Variants in CDH4 observed in about 807,000 individuals in gnomAD.
The protein encoded by CDH4 is cadherin-4.
CDH4 carries 33 observed loss-of-function variants against 86.0 expected under a neutral mutation model. The observed-to-expected ratio is 0.38, with a 90% CI of 0.29 to 0.51. The LOEUF (loss-of-function observed/expected upper bound fraction) is 0.51. Ranked by LOEUF, CDH4 falls within the 20% of genes least tolerant of loss-of-function variation. The probability of loss-of-function intolerance (pLI) is 0.86; values close to 1 mark genes in which losing one functional copy is unlikely to be tolerated. For missense variants in CDH4, 1,114 were observed against 1,307.4 expected, an observed-to-expected ratio of 0.85 and a Z score of 2.28; for synonymous variants, 555 against 549.4, an observed-to-expected ratio of 1.01 and a Z score of -0.14.
chr20:61,881,557 C>T (rs543644065), intron 7 of CDH4, among the ~76,000 whole-genome samples: 4 of 152,250 alleles, frequency 2.6e-5, no homozygotes, highest in Non-Finnish European at 5.9e-5. Context: ...TAGTCGACCG[C>T]TGTTCATCTG....
intron 3 of CDH4, among the ~76,000 whole-genome samples, chr20:61,744,422 GAA>G (rs2088384750): frequency 7.9e-6 from 1 of 126,068 alleles, no homozygotes; most frequent in Non-Finnish European, 1.7e-5. Context: ...GGGAGAGAGA[GAA>G]GGAAAGGGAG....
chr20:61,380,161 C>T (rs572316025), intron 2 of CDH4, among the ~76,000 whole-genome samples: 5 of 152,176 alleles, frequency 3.3e-5, no homozygotes, highest in African/African-American at 1.2e-4. Context: ...GGAGACTGCT[C>T]GATGCTTCAA....
At chr20:61,458,713 TGAA>T (rs1432775047) in intron 2 of CDH4, among the ~76,000 whole-genome samples, 1 of 151,848 alleles carries the variant, frequency 6.6e-6, no homozygotes, top group Non-Finnish European at 1.5e-5. Flanking sequence ...GTGGGGGTGA[TGAA>T]GACGGTGATG....
intron 3 of CDH4, among the ~76,000 whole-genome samples, chr20:61,770,558 C>T (rs2088762067): frequency 2.0e-5 from 3 of 152,216 alleles, no homozygotes; most frequent in African/African-American, 4.8e-5. Flanking sequence ...CGCTGTCAGC[C>T]GCAGGAGTCA....
At position 61,676,003 on chromosome 20, in the gene CDH4, C is replaced by A. The variant is rs879447822; in HGVS notation, c.170-67560C>A. 6.6e-6 allele frequency among the ~76,000 whole-genome samples: 1 copy of A among 152,200 alleles called. No individual in the cohort carries two copies. Among genetic ancestry groups the A allele is most frequent in the Non-Finnish European group, 1.5e-5 (1 of 68,032 alleles). On this transcript the variant is annotated intron_variant, in intron 2 of 15. Coordinates refer to ENST00000614565, the MANE Select transcript of CDH4 (RefSeq NM_001794.5). This position sits in a 1 kb window ranked among gnomAD's most constrained non-coding sequence, Gnocchi z 4.5. Reference sequence around the variant, plus strand: ...CTCCTGCCCAGAGCACAGGCTCAGGCTCCTGGCACTGCCTGCTTAGGACCC... The same window carrying A: ...CTCCTGCCCAGAGCACAGGCTCAGGATCCTGGCACTGCCTGCTTAGGACCC...
At chr20:61,909,908 G>A (rs1157335319) in intron 8 of CDH4, among the ~76,000 whole-genome samples, 1 of 152,228 alleles carries the variant, frequency 6.6e-6, no homozygotes, top group Non-Finnish European at 1.5e-5. Context: ...TGGGGACTGG[G>A]AATGAAAAGA....
At chr20:61,470,502 T>C (rs957410128) in intron 2 of CDH4, among the ~76,000 whole-genome samples, 1 of 152,182 alleles carries the variant, frequency 6.6e-6, no homozygotes, top group African/African-American at 2.4e-5. Context: ...ATTCAACTTC[T>C]TCCTTTTCAA....
intron 2 of CDH4, among the ~76,000 whole-genome samples, chr20:61,514,052 G>A (rs985342169): frequency 8.5e-5 from 13 of 152,250 alleles, no homozygotes; most frequent in African/African-American, 2.4e-4. Flanking sequence ...GCAGGGGCAC[G>A]TCTCAGGAAG....
chr20:61,289,598 A>T (rs527302658), intron 2 of CDH4, among the ~76,000 whole-genome samples: 2 of 152,342 alleles, frequency 1.3e-5, no homozygotes, highest in African/African-American at 4.8e-5. Flanking sequence ...CCTTTGGATT[A>T]AAGAGCCCTT....
rs1319072760 is a variant in CDH4, at chr20:61,509,563, G to A, written c.170-234000G>A. On this transcript the variant is annotated intron_variant, in intron 2 of 15. Transcript: ENST00000614565. ...GAGGGTTCTTCCCAGCCACCTAGCA[G>A]CATGGCAAGAGGAGGGTACCAGGGT... Among the ~76,000 whole-genome samples, 3 of 150,932 alleles carry A rather than the reference G, an allele frequency of 2.0e-5. No individual in the cohort carries two copies. In the East Asian group the frequency reaches 5.8e-4, roughly 29 times the overall value.
chr20:61,902,233 G>A lies in CDH4; in HGVS notation c.1188+7186G>A, dbSNP rs1007869016. Among the ~76,000 whole-genome samples the A allele has an allele frequency of 2.2e-4, 33 of 152,344 alleles. No individual in the cohort carries two copies. The highest frequency in any genetic ancestry group is 5.8e-4 in the East Asian group (3 of 5,182). On this transcript the variant is annotated intron_variant, in intron 8 of 15. Coordinates refer to ENST00000614565, the MANE Select transcript of CDH4 (RefSeq NM_001794.5). This position sits in a 1 kb window ranked among gnomAD's most constrained non-coding sequence, Gnocchi z 4.6. ...TCAGAGCAGGGCAGGCAGCACAAAC[G>A]GATGAACGATGCAGAGGCAGAAAAG...
intron 2 of CDH4, among the ~76,000 whole-genome samples, chr20:61,415,555 C>T (rs532005065): frequency 6.6e-6 from 1 of 152,078 alleles, no homozygotes. Flanking sequence ...CGCCCCTGGC[C>T]CCCACCATCC....
chr20:61,624,111 C>T (rs1271541149), intron 2 of CDH4, among the ~76,000 whole-genome samples: 15 of 152,268 alleles, frequency 9.9e-5, no homozygotes, highest in Non-Finnish European at 1.5e-4. Flanking sequence ...GAAGTGAGCA[C>T]GGTTCACAGC....
At chr20:61,513,013 C>T (rs997967231) in intron 2 of CDH4, among the ~76,000 whole-genome samples, 4 of 152,252 alleles carry the variant, frequency 2.6e-5, no homozygotes, top group African/African-American at 9.6e-5. Context: ...TTTCAAAGCA[C>T]ATGTGCCCTC....
chr20:61,446,356 A>G (rs1180561115), intron 2 of CDH4, among the ~76,000 whole-genome samples: 2 of 152,352 alleles, frequency 1.3e-5, no homozygotes, highest in South Asian at 2.1e-4. Context: ...TTACAAAATT[A>G]CTTCTCCAAT....
At chr20:61,445,345 G>C (rs1483693226) in intron 2 of CDH4, among the ~76,000 whole-genome samples, 4 of 152,204 alleles carry the variant, frequency 2.6e-5, no homozygotes, top group Non-Finnish European at 1.5e-5. Flanking sequence ...CGAAGGAAAG[G>C]TCCACTTGGC....
rs183216036 is a variant in CDH4 at position 61,646,016 on chromosome 20, T to C, written c.170-97547T>C. Among the ~76,000 whole-genome samples the C allele has an allele frequency of 1.2e-4, 18 of 152,300 alleles. No individual in the cohort carries two copies. The East Asian group carries it at 3.5e-3, about 29-fold the overall frequency. ...TGAGACTCACAGGCAATATTGTGTG[T>C]ACAGGGCCTGGCCCAGCCCCAGCAT... On this transcript the variant is annotated intron_variant, in intron 2 of 15. Coordinates refer to ENST00000614565, the MANE Select transcript of CDH4 (RefSeq NM_001794.5).
intron 2 of CDH4, among the ~76,000 whole-genome samples, chr20:61,658,582 G>A (rs1257628437): frequency 6.6e-6 from 1 of 152,176 alleles, no homozygotes; most frequent in African/African-American, 2.4e-5. Context: ...GGGTGGCCCA[G>A]GTCGTTATAC....
intron 8 of CDH4, among the ~76,000 whole-genome samples, chr20:61,899,431 A>T (rs1057440568): frequency 6.6e-6 from 1 of 152,086 alleles, no homozygotes; most frequent in Non-Finnish European, 1.5e-5. Context: ...AATCAGGTTA[A>T]TTTTTTTCTT....
Sources: gnomAD v4.1 joint callset for allele counts (sites outside exome capture counted in the v4.1 genomes callset) on GRCh38, gnomAD v4.1.1 for gene constraint, Gnocchi (gnomAD v3.1) non-coding constraint, MANE v1.5 for transcripts, NCBI Gene and HGNC (gene_info 2026-07-23, HGNC 2026-07-21) for gene names.